Variants in DNAJC6 observed in about 807,000 individuals in gnomAD.
DNAJC6 encodes the protein DnaJ heat shock protein family (Hsp40) member C6, also known as auxilin.
In DNAJC6, 34 loss-of-function variants were observed where a neutral mutation model predicts 110.0. The observed-to-expected ratio is 0.31, with a 90% confidence interval of 0.24 to 0.41. The LOEUF (loss-of-function observed/expected upper bound fraction) is 0.41. Among genes scored for constraint, DNAJC6 ranks in the 10% least tolerant of loss-of-function variants. DNAJC6 has a pLI of 1.00. For synonymous variants in DNAJC6, 406 were observed against 437.2 expected, an observed-to-expected ratio of 0.93 and a Z score of 0.89; for missense variants, 1,031 against 1,207.8, an observed-to-expected ratio of 0.85 and a Z score of 2.17.
intron 1 of DNAJC6, among the ~76,000 whole-genome samples, chr1:65,333,245 A>C (rs979664477): frequency 3.9e-5 from 6 of 152,182 alleles, no homozygotes; most frequent in Non-Finnish European, 5.9e-5. Context: ...GGCTCAGCAG[A>C]GATCTTTGGA....
intron 1 of DNAJC6, among the ~76,000 whole-genome samples, chr1:65,333,210 A>G (rs1645304294): frequency 6.6e-6 from 1 of 152,206 alleles, no homozygotes; most frequent in African/African-American, 2.4e-5. Flanking sequence ...ATTGAATAGT[A>G]CATTTTGGCC....
chr1:65,281,388 C>T (rs1464774434), intron 1 of DNAJC6, among the ~76,000 whole-genome samples: 8 of 152,136 alleles, frequency 5.3e-5, no homozygotes, highest in African/African-American at 1.7e-4. Flanking sequence ...AATTCCATAA[C>T]GCTTTCATGG....
At chr1:65,398,699 A>C (rs1384156817) in intron 13 of DNAJC6, 114 bp from the exon 14 acceptor site, 11 of 979,526 alleles carry the variant, frequency 1.1e-5, no homozygotes, top group Non-Finnish European at 1.3e-5. Flanking sequence ...ATATCTTGGG[A>C]TCTTGCTGGG....
chr1:65,356,697 A>T (rs1645547468), intron 1 of DNAJC6, among the ~76,000 whole-genome samples: 1 of 152,152 alleles, frequency 6.6e-6, no homozygotes, highest in Non-Finnish European at 1.5e-5. Context: ...GATCCTGTTG[A>T]TGACATGAGG....
At chr1:65,355,565 G>C (rs893618112) in intron 1 of DNAJC6, among the ~76,000 whole-genome samples, 1 of 152,120 alleles carries the variant, frequency 6.6e-6, no homozygotes, top group African/African-American at 2.4e-5. Flanking sequence ...CTTATACCAC[G>C]TGCCACCTAG....
At chr1:65,311,484 C>T (rs1645101616) in intron 1 of DNAJC6, among the ~76,000 whole-genome samples, 1 of 152,230 alleles carries the variant, frequency 6.6e-6, no homozygotes, top group East Asian at 1.9e-4. Flanking sequence ...CTCGGCCTCC[C>T]AAAGTGCTGG....
Position 65,405,876 on chromosome 1 carries a change from C to A in DNAJC6, c.2234C>A (p.Ser745Tyr). 6.3e-7 allele frequency: 1 copy of A among 1,598,732 alleles called. No homozygotes were observed. Among genetic ancestry groups the A allele is most frequent in the Non-Finnish European group, 8.5e-7 (1 of 1,171,960 alleles). ...TATCTCTTTTTTTCTTTAGGTAGTT[C>A]TTCCTTTGCCAGCAAACCCACCACA... is the stretch of plus-strand genomic sequence containing the variant. The part of the protein sequence containing the change: ...PFADLGTLGS[S>Y]SFASKPTTPT... The change falls in exon 16 of 19, where the codon TCT (serine) becomes TAT (tyrosine). Residue 745 changes from serine to tyrosine, a missense_variant. By Grantham distance (144) the Ser-to-Tyr change is moderately radical. Coordinates refer to ENST00000371069, the MANE Select transcript of DNAJC6 (RefSeq NM_001256864.2).
chr1:65,305,139 A>G (rs983243762), upstream of DNAJC6, among the ~76,000 whole-genome samples: 3 of 152,258 alleles, frequency 2.0e-5, no homozygotes, highest in African/African-American at 7.2e-5. Context: ...ATCATAATAT[A>G]TTTTGTAACA....
At position 65,388,347 on chromosome 1, in the gene DNAJC6, A is replaced by G. The variant is rs1364162143; in HGVS notation, c.1125A>G (p.Thr375=). The change falls in exon 9 of 19, where the codon ACA becomes ACG. Residue 375 remains threonine, a synonymous_variant. Transcript: ENST00000371069. ...TCATGTATTTTTAGGTGACCAACAC[A>G]CAGATATTCCAGCTTCAGTTTCACA... ...GSRLQAKVTN[T]QIFQLQFHTG... 1 of 1,614,022 alleles carries G rather than the reference A, an allele frequency of 6.2e-7. No homozygotes were observed. The highest frequency in any genetic ancestry group is 8.5e-7 in the Non-Finnish European group (1 of 1,179,940).
intron 15 of DNAJC6, among the ~76,000 whole-genome samples, chr1:65,404,664 G>A (rs148044886): frequency 6.6e-6 from 1 of 152,294 alleles, no homozygotes; most frequent in Admixed American, 6.5e-5. Flanking sequence ...GGAAAGTGGA[G>A]CCCCAGGATC....
chr1:65,352,666 ACG>A (rs1645503025), intron 1 of DNAJC6, among the ~76,000 whole-genome samples: 1 of 152,156 alleles, frequency 6.6e-6, no homozygotes, highest in Non-Finnish European at 1.5e-5. Context: ...GATCTTGTAA[ACG>A]ACAAACAATA....
chr1:65,266,821 C>A (rs1192661328), intron 1 of DNAJC6, among the ~76,000 whole-genome samples: 1 of 152,018 alleles, frequency 6.6e-6, no homozygotes, highest in African/African-American at 2.4e-5. Flanking sequence ...AATGGAAACA[C>A]TCCTGGTTTC....
At chr1:65,398,769 C>T in intron 13 of DNAJC6, 44 bp from the exon 14 acceptor site, 1 of 1,608,536 alleles carries the variant, frequency 6.2e-7, no homozygotes, top group Non-Finnish European at 8.5e-7. Flanking sequence ...AAAGTGGGTT[C>T]TGAGCTCTCT....
chr1:65,393,860 C>G (rs1306653341), intron 12 of DNAJC6, among the ~76,000 whole-genome samples: 1 of 152,040 alleles, frequency 6.6e-6, no homozygotes, highest in East Asian at 1.9e-4. Flanking sequence ...CTGGGCTGGT[C>G]TTGACTTGTG....
chr1:65,344,699 TC>T (rs1645421042), intron 1 of DNAJC6, among the ~76,000 whole-genome samples: 1 of 152,150 alleles, frequency 6.6e-6, no homozygotes, highest in African/African-American at 2.4e-5. Context: ...TTTTAGGATT[TC>T]CACTGTCATG....
chr1:65,366,951 AG>A (rs1263113314), intron 4 of DNAJC6, among the ~76,000 whole-genome samples: 1 of 152,194 alleles, frequency 6.6e-6, no homozygotes, highest in Non-Finnish European at 1.5e-5. Context: ...CTGTGTATCT[AG>A]GATCTTAGCT....
At chr1:65,326,166 T>A (rs925365122) in intron 1 of DNAJC6, among the ~76,000 whole-genome samples, 10 of 152,220 alleles carry the variant, frequency 6.6e-5, no homozygotes, top group Admixed American at 2.0e-4. Flanking sequence ...AACAGTGTTG[T>A]CTGGGAGAGA....
At chr1:65,279,097 GAAATCTAACAAGAGCC>G in intron 1 of DNAJC6, 1 of 985,404 alleles carries the variant, frequency 1.0e-6, no homozygotes, top group Non-Finnish European at 1.2e-6. Flanking sequence ...TCGTGCCTGT[GAAATCTAACAAGAGCC>G]CAGCACAAGG....
intron 16 of DNAJC6, among the ~76,000 whole-genome samples, chr1:65,407,342 A>G (rs1397600858): frequency 1.3e-5 from 2 of 152,192 alleles, no homozygotes; most frequent in African/African-American, 2.4e-5. Context: ...CCGCCTGTGA[A>G]TAAGTGGAGG....
Sources: gnomAD v4.1 joint callset for allele counts (sites outside exome capture counted in the v4.1 genomes callset) on GRCh38, gnomAD v4.1.1 for gene constraint, MANE v1.5 for transcripts, NCBI Gene and HGNC (gene_info 2026-07-23, HGNC 2026-07-21) for gene names.